SLC8A1: variants seen among roughly 807,000 people sequenced by gnomAD.
SLC8A1 encodes sodium/calcium exchanger 1.
SLC8A1 carries 18 observed loss-of-function variants against 68.3 expected under a neutral mutation model. The observed-to-expected ratio is 0.26, with a 90% CI of 0.18 to 0.39. The LOEUF (loss-of-function observed/expected upper bound fraction) is 0.39. Ranked by LOEUF, SLC8A1 falls within the 10% of genes least tolerant of loss-of-function variation. SLC8A1 has a pLI of 1.00. For synonymous variants in SLC8A1, 475 were observed against 415.5 expected (o/e 1.14, Z -1.74); for missense variants, 985 against 1,156.7 (o/e 0.85, Z 2.15).
chr2:40,347,353 G>A (rs936943740), intron 2 of SLC8A1, among the ~76,000 whole-genome samples: 1 of 152,284 alleles, frequency 6.6e-6, no homozygotes, highest in Non-Finnish European at 1.5e-5. Flanking sequence ...GAATCCCTTT[G>A]AGAACCTCAT....
chr2:40,332,877 T>C (rs2076559476), intron 2 of SLC8A1, among the ~76,000 whole-genome samples: 2 of 152,244 alleles, frequency 1.3e-5, no homozygotes, highest in African/African-American at 2.4e-5. Flanking sequence ...CCAAATGGCA[T>C]GGTGGAGCAC....
At chr2:40,295,004 TAG>T (rs1281384891) in intron 2 of SLC8A1, among the ~76,000 whole-genome samples, 21 of 152,154 alleles carry the variant, frequency 1.4e-4, no homozygotes, top group Non-Finnish European at 2.9e-4. Flanking sequence ...CAAATATCTT[TAG>T]ACACACAGCA....
intron 2 of SLC8A1, among the ~76,000 whole-genome samples, chr2:40,206,397 GTGAT>G (rs1363874363): frequency 6.6e-6 from 1 of 152,034 alleles, no homozygotes; most frequent in African/African-American, 2.4e-5. Flanking sequence ...AACTCAAAGA[GTGAT>G]TGCATTATTC....
At chr2:40,329,078 A>G (rs1229397551) in intron 2 of SLC8A1, among the ~76,000 whole-genome samples, 1 of 151,564 alleles carries the variant, frequency 6.6e-6, no homozygotes. Flanking sequence ...ACACACACAC[A>G]CACACACACA....
intron 2 of SLC8A1, among the ~76,000 whole-genome samples, chr2:40,191,723 C>T (rs1211011045): frequency 6.6e-6 from 1 of 151,972 alleles, no homozygotes; most frequent in Admixed American, 6.6e-5. Context: ...TTTAATGTGC[C>T]CATTGATTGT....
intron 2 of SLC8A1, among the ~76,000 whole-genome samples, chr2:40,402,290 T>G (rs1019584143): frequency 6.6e-6 from 1 of 152,154 alleles, no homozygotes; most frequent in African/African-American, 2.4e-5. Context: ...GAAGTTAACA[T>G]GTATGGTCTA....
At chr2:40,450,354 G>C (rs907473589) in intron 1 of SLC8A1, among the ~76,000 whole-genome samples, 1 of 138,434 alleles carries the variant, frequency 7.2e-6, no homozygotes, top group Admixed American at 7.3e-5. Flanking sequence ...GCATGTGAGT[G>C]TGTGTGTGTG....
chr2:40,495,691 T>C (rs899900633), intron 1 of SLC8A1, among the ~76,000 whole-genome samples: 1 of 152,062 alleles, frequency 6.6e-6, no homozygotes, highest in Non-Finnish European at 1.5e-5. Context: ...AAGCCCAGTC[T>C]CCTCATTCTA....
At chr2:40,487,036 T>C (rs1705015056) in intron 1 of SLC8A1, among the ~76,000 whole-genome samples, 1 of 151,958 alleles carries the variant, frequency 6.6e-6, no homozygotes, top group East Asian at 1.9e-4. Context: ...CACCGGGGCT[T>C]AATATGTTTT....
intron 2 of SLC8A1, among the ~76,000 whole-genome samples, chr2:40,404,414 GACAAT>G (rs1166169320): frequency 1.3e-5 from 2 of 152,092 alleles, no homozygotes. Flanking sequence ...CAGTAATTAT[GACAAT>G]ACATTTTTTG....
At chr2:40,199,114 C>G (rs1434471460) in intron 2 of SLC8A1, among the ~76,000 whole-genome samples, 1 of 151,552 alleles carries the variant, frequency 6.6e-6, no homozygotes, top group Non-Finnish European at 1.5e-5. Flanking sequence ...AAAAATTAAT[C>G]TGATCCCATT....
chr2:40,215,113 AG>A (rs2057247117), intron 2 of SLC8A1, among the ~76,000 whole-genome samples: 1 of 152,144 alleles, frequency 6.6e-6, no homozygotes, highest in Non-Finnish European at 1.5e-5. Flanking sequence ...TCTCTGCTAA[AG>A]TATTTATGAG....
chr2:40,205,190 T>A (rs1375594900), intron 2 of SLC8A1, among the ~76,000 whole-genome samples: 1 of 152,018 alleles, frequency 6.6e-6, no homozygotes, highest in Non-Finnish European at 1.5e-5. Context: ...AATTTAGCCT[T>A]TCCATAAGGT....
intron 2 of SLC8A1, among the ~76,000 whole-genome samples, chr2:40,259,272 A>G (rs1047107955): frequency 6.6e-6 from 1 of 152,202 alleles, no homozygotes; most frequent in African/African-American, 2.4e-5. Context: ...TCCATTACAA[A>G]TACTTGGCTG....
At chr2:40,318,219 C>T (rs1339898978) in intron 2 of SLC8A1, among the ~76,000 whole-genome samples, 1 of 151,920 alleles carries the variant, frequency 6.6e-6, no homozygotes, top group Non-Finnish European at 1.5e-5. Context: ...TTCTGGTGTG[C>T]GTCAGAATTT....
intron 2 of SLC8A1, among the ~76,000 whole-genome samples, chr2:40,286,403 G>A (rs1180448925): frequency 6.6e-6 from 1 of 152,170 alleles, no homozygotes; most frequent in Non-Finnish European, 1.5e-5. Context: ...CATTTATTTT[G>A]AGAGGTAACC....
At chr2:40,157,977 G>T (rs1259251129) in intron 6 of SLC8A1, among the ~76,000 whole-genome samples, 4 of 152,210 alleles carry the variant, frequency 2.6e-5, no homozygotes, top group Admixed American at 2.0e-4. Context: ...GGGACAAGAA[G>T]ATTGCCACAG....
chr2:40,171,734 A>C (rs2047526171), intron 4 of SLC8A1, among the ~76,000 whole-genome samples: 1 of 152,208 alleles, frequency 6.6e-6, no homozygotes, highest in Non-Finnish European at 1.5e-5. Flanking sequence ...ATTGGTGATA[A>C]AGTGATATGA....
chr2:40,206,045 T>C (rs1367721954), intron 2 of SLC8A1, among the ~76,000 whole-genome samples: 1 of 151,764 alleles, frequency 6.6e-6, no homozygotes, highest in African/African-American at 2.4e-5. Flanking sequence ...TTGGAAAAAG[T>C]AAAGTTACAG....
Sources: gnomAD v4.1 joint callset for allele counts (sites outside exome capture counted in the v4.1 genomes callset) on GRCh38, gnomAD v4.1.1 for gene constraint, MANE v1.5 for transcripts, NCBI Gene and HGNC (gene_info 2026-07-23, HGNC 2026-07-21) for gene names.